TBC1D5: variants seen among roughly 807,000 people sequenced by gnomAD.
TBC1D5 encodes TBC1 domain family, member 5.
TBC1D5 carries 75 observed loss-of-function variants against 100.3 expected under a neutral mutation model. The ratio of observed to expected loss-of-function variants is 0.75; its 90% CI spans 0.62 to 0.91. The LOEUF is 0.91. TBC1D5 is among the 40% of genes least tolerant of loss of function. The pLI, the probability that TBC1D5 is intolerant of heterozygous loss-of-function variation, is 0.00. For missense variants in TBC1D5, 910 were observed against 942.4 expected, an observed-to-expected ratio of 0.97 and a Z score of 0.45; for synonymous variants, 323 against 325.6, an observed-to-expected ratio of 0.99 and a Z score of 0.09.
At chr3:17,238,554 G>T in intron 16 of TBC1D5, 135 bp from the exon 17 acceptor site, 1 of 1,029,952 alleles carries the variant, frequency 9.7e-7, no homozygotes, top group Non-Finnish European at 1.3e-6. Context: ...AAAGTGAGAA[G>T]TGAAAAATTT....
chr3:17,206,224 T>C (rs2072164764), intron 18 of TBC1D5, among the ~76,000 whole-genome samples: 1 of 152,146 alleles, frequency 6.6e-6, no homozygotes, highest in African/African-American at 2.4e-5. Context: ...TGGTCTGTCA[T>C]CTAACACCAT....
chr3:17,514,391 T>C (rs997583572), intron 2 of TBC1D5, among the ~76,000 whole-genome samples: 13 of 152,296 alleles, frequency 8.5e-5, no homozygotes, highest in African/African-American at 2.9e-4. Context: ...GAAACTTTAA[T>C]TCATTTTTAG....
intron 2 of TBC1D5, among the ~76,000 whole-genome samples, chr3:17,615,671 C>T (rs1322131193): frequency 2.6e-5 from 4 of 152,148 alleles, no homozygotes; most frequent in African/African-American, 7.2e-5. Context: ...AGTTGCTTTG[C>T]GTAGAGATAT....
intron 1 of TBC1D5, among the ~76,000 whole-genome samples, chr3:17,698,518 G>A (rs1560496271): frequency 6.6e-6 from 1 of 151,824 alleles, no homozygotes; most frequent in Non-Finnish European, 1.5e-5. Context: ...AAAAGCAATG[G>A]CAACAAAAGC....
Position 17,238,424 on chromosome 3 carries a change from T to TA in TBC1D5, c.1332-6dup, listed in dbSNP as rs1267329287. On this transcript the variant is annotated splice_polypyrimidine_tract_variant and splice_region_variant and intron_variant, in intron 16 of 21. Transcript: ENST00000253692. ...GGAGCACCTTTGGCATTGGTCCTGT[T>TA]AAAAAAAGAAATGGAGAAGCATTAT... 3.1e-6 allele frequency: 5 copies of TA among 1,601,414 alleles called. No individual in the cohort carries two copies. The highest frequency in any genetic ancestry group is 4.3e-6 in the Non-Finnish European group (5 of 1,173,668).
chr3:17,701,843 GCTTTTT>G (rs1167974423), intron 1 of TBC1D5, among the ~76,000 whole-genome samples: 15 of 151,352 alleles, frequency 9.9e-5, no homozygotes, highest in Admixed American at 9.9e-4. Flanking sequence ...GACCAGACTA[GCTTTTT>G]CTTTTTTTTT....
chr3:17,371,805 C>A (rs1011341133), intron 13 of TBC1D5, among the ~76,000 whole-genome samples: 3 of 152,082 alleles, frequency 2.0e-5, no homozygotes, highest in Admixed American at 2.0e-4. Context: ...AATCCCAGCA[C>A]TTTGGGAAGC....
At chr3:17,643,522 G>A (rs951689061) in intron 1 of TBC1D5, among the ~76,000 whole-genome samples, 1 of 151,974 alleles carries the variant, frequency 6.6e-6, no homozygotes, top group Non-Finnish European at 1.5e-5. Flanking sequence ...TTACGGTGGT[G>A]TTTGCCTCAT....
chr3:17,182,198 G>A (rs2068526928), intron 19 of TBC1D5, among the ~76,000 whole-genome samples: 1 of 152,060 alleles, frequency 6.6e-6, no homozygotes, highest in Admixed American at 6.6e-5. Context: ...ATGCATCTGT[G>A]GGCCGTGGAG....
At chr3:17,419,988 C>G (rs781319216) in intron 4 of TBC1D5, among the ~76,000 whole-genome samples, 1 of 152,110 alleles carries the variant, frequency 6.6e-6, no homozygotes, top group African/African-American at 2.4e-5. Flanking sequence ...CTGCACCTGG[C>G]CTTCCCCTAG....
At chr3:17,366,590 T>C (rs998224420) in intron 13 of TBC1D5, among the ~76,000 whole-genome samples, 2 of 152,190 alleles carry the variant, frequency 1.3e-5, no homozygotes, top group Non-Finnish European at 2.9e-5. Context: ...TTATGTTTAA[T>C]GTATAATATA....
intron 18 of TBC1D5, among the ~76,000 whole-genome samples, chr3:17,211,324 G>A (rs1002518678): frequency 6.6e-6 from 1 of 152,192 alleles, no homozygotes; most frequent in African/African-American, 2.4e-5. Flanking sequence ...TGCCTGAAGG[G>A]CTATACATAC....
intron 8 of TBC1D5, among the ~76,000 whole-genome samples, chr3:17,394,775 C>T (rs2093452249): frequency 6.6e-6 from 1 of 151,936 alleles, no homozygotes; most frequent in South Asian, 2.1e-4. Context: ...ACAACCAAAC[C>T]TTTGAGGAAA....
chr3:17,351,279 A>G (rs2090545095), intron 13 of TBC1D5, among the ~76,000 whole-genome samples: 1 of 152,182 alleles, frequency 6.6e-6, no homozygotes, highest in Admixed American at 6.6e-5. Flanking sequence ...ACACATGCAC[A>G]TGTGTGTTTA....
chr3:17,540,027 T>C lies in TBC1D5; in HGVS notation c.-35-31422A>G, dbSNP rs139969467. ...ACATATTATTGTTTGATGTTGATAG[T>C]AGCCATCCTAATGGGTGTAAGGTGG... On this transcript the variant is annotated intron_variant, in intron 2 of 21. Coordinates refer to ENST00000253692, the Ensembl canonical transcript of TBC1D5. Among the ~76,000 whole-genome samples, 446 of 152,356 alleles carry C rather than the reference T, an allele frequency of 2.9e-3. 9 individuals carry two copies. The highest frequency in any genetic ancestry group is 9.3e-4 in the Non-Finnish European group (63 of 68,034).
intron 2 of TBC1D5, among the ~76,000 whole-genome samples, chr3:17,536,953 A>G (rs977481494): frequency 1.3e-5 from 2 of 152,162 alleles, no homozygotes; most frequent in African/African-American, 4.8e-5. Flanking sequence ...AAGAAAATAT[A>G]TGGTAAATGT....
At chr3:17,566,837 T>C (rs1396587278) in intron 2 of TBC1D5, among the ~76,000 whole-genome samples, 1 of 151,872 alleles carries the variant, frequency 6.6e-6, no homozygotes, top group African/African-American at 2.4e-5. Context: ...ATTTACTTTT[T>C]GAATATGGAA....
At chr3:17,652,035 G>C (rs1441822061) in intron 1 of TBC1D5, among the ~76,000 whole-genome samples, 6 of 152,066 alleles carry the variant, frequency 3.9e-5, no homozygotes, top group Non-Finnish European at 8.8e-5. Flanking sequence ...TTTAAAACAA[G>C]ATGACCTAGG....
intron 16 of TBC1D5, among the ~76,000 whole-genome samples, chr3:17,255,954 G>T (rs1037156275): frequency 1.3e-5 from 2 of 152,152 alleles, no homozygotes; most frequent in East Asian, 1.9e-4. Flanking sequence ...GAGAATGGCG[G>T]GAACCCGGGA....
Sources: gnomAD v4.1 joint callset for allele counts (sites outside exome capture counted in the v4.1 genomes callset) on GRCh38, gnomAD v4.1.1 for gene constraint, MANE v1.5 for transcripts, NCBI Gene and HGNC (gene_info 2026-07-23, HGNC 2026-07-21) for gene names.